Variants in TMEM248 observed in about 807,000 individuals in gnomAD.
The protein encoded by TMEM248 is transmembrane protein 248.
In TMEM248, 9 loss-of-function variants were observed where a neutral mutation model predicts 30.3. The ratio of observed to expected loss-of-function variants is 0.30; its 90% CI spans 0.18 to 0.52. TMEM248 has a LOEUF of 0.52. TMEM248 is among the 20% of genes least tolerant of loss of function. The pLI, the probability that TMEM248 is intolerant of heterozygous loss-of-function variation, is 0.97. For missense variants in TMEM248, 338 were observed against 403.3 expected (o/e 0.84, Z 1.39); for synonymous variants, 184 against 154.4 (o/e 1.19, Z -1.42).
chr7:66,950,978 C>T lies in TMEM248; in HGVS notation c.623C>T (p.Thr208Met), dbSNP rs200886278. 9 of 1,604,390 alleles carry T rather than the reference C, an allele frequency of 5.6e-6. No individual in the cohort carries two copies. The Admixed American group carries it at 8.6e-5, about 15-fold the overall frequency. ...CAGCCACCGCACTGTGTTCCTGACA[C>T]GTACAGCAACGCCACGCTCTGGTAC... ...TVQPPHCVPDTYSNATLWYKI... is the reference protein window; with the variant it reads ...TVQPPHCVPDMYSNATLWYKI... The change falls in exon 5 of 7, where the codon ACG (threonine) becomes ATG (methionine). Residue 208 changes from threonine to methionine, a missense_variant. By Grantham distance (81) the Thr-to-Met change is moderately conservative. Transcript: ENST00000341567.
At chr7:66,938,886 T>C (rs1417641333) in intron 1 of TMEM248, among the ~76,000 whole-genome samples, 1 of 152,204 alleles carries the variant, frequency 6.6e-6, no homozygotes. Context: ...ATACGTAACA[T>C]ATAAAACTGT....
intron 4 of TMEM248, among the ~76,000 whole-genome samples, chr7:66,949,132 GTC>G (rs1427941785): frequency 2.7e-5 from 4 of 147,240 alleles, no homozygotes; most frequent in Non-Finnish European, 4.5e-5. Context: ...GGGAGACCCT[GTC>G]TCTATTTAAA....
chr7:66,932,457 C>T (rs570880143), intron 1 of TMEM248, among the ~76,000 whole-genome samples: 180 of 152,254 alleles, frequency 1.2e-3, no homozygotes, highest in Non-Finnish European at 1.9e-3. Context: ...CTCAGTTTCT[C>T]CATCCCTGTT....
Position 66,947,147 on chromosome 7 carries a change from C to T in TMEM248, c.446-1397C>T, listed in dbSNP as rs563657194. On this transcript the variant is annotated intron_variant, in intron 3 of 6. Transcript: ENST00000341567. ...GGAGGATTGCTTGAACCTGGGAGGT[C>T]GAGGCTACAGTGAGCTAAGATTGTA... is the stretch of plus-strand genomic sequence containing the variant. Among the ~76,000 whole-genome samples the T allele has an allele frequency of 1.8e-4, 26 of 142,088 alleles. No individual in the cohort carries two copies. In the South Asian group the frequency reaches 4.7e-3, roughly 25 times the overall value. The allele number at this position is 142,088 out of a possible 152,430, so 93.2% of individuals were successfully genotyped here. A position where few individuals can be genotyped will look rare whatever the true frequency, so the allele number is the denominator to read the frequency against.
intron 6 of TMEM248, among the ~76,000 whole-genome samples, chr7:66,955,256 G>A (rs1792372686): frequency 6.6e-6 from 1 of 152,160 alleles, no homozygotes; most frequent in African/African-American, 2.4e-5. Flanking sequence ...GAGCGAGACC[G>A]TGTCTCAAAA....
chr7:66,924,975 C>G (rs1257392591), intron 1 of TMEM248, among the ~76,000 whole-genome samples: 1 of 152,030 alleles, frequency 6.6e-6, no homozygotes. Context: ...TCTCAAAGTG[C>G]TGGGATTACA....
intron 1 of TMEM248, among the ~76,000 whole-genome samples, chr7:66,926,034 C>T (rs1386871138): frequency 6.6e-6 from 1 of 152,300 alleles, no homozygotes; most frequent in Non-Finnish European, 1.5e-5. Flanking sequence ...CTTAGCTCCA[C>T]ATTCTCACCA....
chr7:66,930,447 C>T (rs936692405), intron 1 of TMEM248, among the ~76,000 whole-genome samples: 3 of 152,132 alleles, frequency 2.0e-5, no homozygotes, highest in Non-Finnish European at 4.4e-5. Context: ...GTTAAGAAAA[C>T]CCGGAGTGGA....
intron 1 of TMEM248, chr7:66,922,107 T>G (rs1201904816): frequency 6.6e-6 from 1 of 152,196 alleles, no homozygotes; most frequent in Non-Finnish European, 1.5e-5. Context: ...AGGAGGCCTT[T>G]GTGGAAGAAT....
intron 1 of TMEM248, among the ~76,000 whole-genome samples, chr7:66,927,549 T>A (rs1791556681): frequency 6.6e-6 from 1 of 151,586 alleles, no homozygotes; most frequent in Non-Finnish European, 1.5e-5. Flanking sequence ...CAACTGATCC[T>A]CCTGCCTTGC....
intron 5 of TMEM248, among the ~76,000 whole-genome samples, chr7:66,951,598 C>T (rs1325490201): frequency 6.6e-6 from 1 of 150,898 alleles, no homozygotes; most frequent in Non-Finnish European, 1.5e-5. Flanking sequence ...TTAACTTAAC[C>T]AAGAGGCAAG....
At chr7:66,954,555 C>G (rs1156479738) in intron 6 of TMEM248, among the ~76,000 whole-genome samples, 1 of 151,802 alleles carries the variant, frequency 6.6e-6, no homozygotes, top group East Asian at 1.9e-4. Flanking sequence ...CATCACCACA[C>G]CTGGTTAATT....
intron 6 of TMEM248, among the ~76,000 whole-genome samples, chr7:66,955,118 C>T (rs1315836185): frequency 3.9e-5 from 6 of 152,036 alleles, no homozygotes; most frequent in Non-Finnish European, 8.8e-5. Flanking sequence ...AAAAAATTAG[C>T]CAGATGTAAT....
chr7:66,924,448 A>G (rs1383216743), intron 1 of TMEM248, among the ~76,000 whole-genome samples: 1 of 152,174 alleles, frequency 6.6e-6, no homozygotes, highest in East Asian at 1.9e-4. Context: ...TCTGTCGTCC[A>G]GGCTAGAGTA....
chr7:66,957,257 G>T lies in TMEM248; in HGVS notation c.*1735G>T, dbSNP rs1792427356. The T allele has an allele frequency of 6.6e-6, 1 of 152,480 alleles. No homozygotes were observed. Among genetic ancestry groups the T allele is most frequent in the South Asian group, 2.1e-4 (1 of 4,830 alleles). 9.4% of individuals were successfully genotyped at this position (152,480 alleles called of 1,614,324 possible). On this transcript the variant is annotated 3_prime_UTR_variant, in exon 7 of 7. Transcript: ENST00000341567. The stretch of plus-strand genomic sequence containing the variant: ...CTGTTTTAAATTAGGATTAGTTCCT[G>T]CATTCTGAAATACATTGGCCTAGAA...
At chr7:66,937,516 T>A (rs1415208532) in intron 1 of TMEM248, among the ~76,000 whole-genome samples, 1 of 152,360 alleles carries the variant, frequency 6.6e-6, no homozygotes, top group East Asian at 1.9e-4. Context: ...AATATTTGCT[T>A]TATGTATCTT....
chr7:66,949,029 C>T (rs928522923), intron 4 of TMEM248, among the ~76,000 whole-genome samples: 3 of 151,782 alleles, frequency 2.0e-5, no homozygotes, highest in Non-Finnish European at 2.9e-5. Flanking sequence ...GGCCGGGTGC[C>T]GTGGCTCAGG....
intron 1 of TMEM248, among the ~76,000 whole-genome samples, chr7:66,934,944 A>T (rs552536177): frequency 5.7e-4 from 86 of 152,018 alleles, no homozygotes; most frequent in African/African-American, 2.0e-3. Context: ...AATCTCAGCT[A>T]CTCAGAAGGC....
chr7:66,947,125 G>A (rs1421079621), intron 3 of TMEM248, among the ~76,000 whole-genome samples: 1 of 150,756 alleles, frequency 6.6e-6, no homozygotes, highest in Non-Finnish European at 1.5e-5. Context: ...TGAGGTGGGA[G>A]GATTGCTTGA....
Sources: gnomAD v4.1 joint callset for allele counts (sites outside exome capture counted in the v4.1 genomes callset) on GRCh38, gnomAD v4.1.1 for gene constraint, MANE v1.5 for transcripts, NCBI Gene and HGNC (gene_info 2026-07-23, HGNC 2026-07-21) for gene names.